The following ITPRID2 variants were observed in gnomAD, a reference collection of about 807,000 sequenced individuals.
ITPRID2 encodes ITPR interacting domain containing 2, also known as protein ITPRID2.
A neutral mutation model predicts 124.3 loss-of-function variants in ITPRID2; 60 were observed. That is an observed-to-expected ratio of 0.48 (90% CI 0.39 to 0.60). ITPRID2 has a LOEUF of 0.60. Among genes scored for constraint, ITPRID2 ranks in the 20% least tolerant of loss-of-function variants. The pLI, the probability that ITPRID2 is intolerant of heterozygous loss-of-function variation, is 0.00. For synonymous variants in ITPRID2, 521 were observed against 542.9 expected (o/e 0.96, Z 0.56); for missense variants, 1,553 against 1,512.2 (o/e 1.03, Z -0.45).
intron 11 of ITPRID2, 140 bp from the exon 12 acceptor site, chr2:181,918,458 T>G: frequency 2.1e-6 from 3 of 1,459,200 alleles, no homozygotes; most frequent in Non-Finnish European, 2.7e-6. Flanking sequence ...TTTTTCCTGC[T>G]TACAATATGA....
Position 181,915,662 on chromosome 2 carries a change from T to C in ITPRID2, c.2022T>C (p.Ser674=). ...TGGCTTCTATTGAAGCTAAATGCAG[T>C]GATATGAGCTCTGAAAATACAACTG... is the stretch of plus-strand genomic sequence containing the variant. ...KSLASIEAKC[S]DMSSENTTGP... is the part of the protein sequence containing the mutation. The change falls in exon 11 of 18, where the codon AGT becomes AGC. Residue 674 remains serine (S), a synonymous_variant. Transcript: ENST00000431877. 1.2e-6 allele frequency: 2 copies of C among 1,614,186 alleles called. No individual in the cohort carries two copies. Among genetic ancestry groups the C allele is most frequent in the Non-Finnish European group, 1.7e-6 (2 of 1,180,030 alleles).
Position 181,916,112 on chromosome 2 carries a change from T to C in ITPRID2, c.2472T>C (p.His824=). 6.2e-7 allele frequency: 1 copy of C among 1,614,164 alleles called. No individual in the cohort carries two copies. Among genetic ancestry groups the C allele is most frequent in the Non-Finnish European group, 8.5e-7 (1 of 1,180,034 alleles). Reference sequence around the variant, plus strand: ...AGGCGCCGCGGGTGGAGGAATGCCATCATGGAAGGACTCCTACCTGTTCAC... The same window carrying C: ...AGGCGCCGCGGGTGGAGGAATGCCACCATGGAAGGACTCCTACCTGTTCAC... ...QSEAPRVEEC[H]HGRTPTCSRL... Residue 824 remains histidine, a synonymous_variant, in exon 11 of 18, where the codon CAT becomes CAC. Coordinates refer to ENST00000431877, the MANE Select transcript of ITPRID2 (RefSeq NM_001130445.3).
chr2:181,912,041 A>G (rs1048773298), intron 9 of ITPRID2, among the ~76,000 whole-genome samples: 1 of 152,226 alleles, frequency 6.6e-6, no homozygotes, highest in African/African-American at 2.4e-5. Context: ...AGCAGAGAGA[A>G]CCAGTCAGAG....
In ITPRID2 at chr2:181,897,087, G is replaced by A. The variant is rs541519533; in HGVS notation, c.364+123G>A. 4.6e-5 allele frequency: 37 copies of A among 800,714 alleles called. No individual in the cohort carries two copies. The East Asian group carries it at 8.8e-4, about 19-fold the overall frequency. 49.6% of individuals were successfully genotyped at this position (800,714 alleles called of 1,614,324 possible). On this transcript the variant is annotated intron_variant, in intron 4 of 17. Transcript: ENST00000431877. ...TTTAAAGGTCTTGAAAATGGCTCAG[G>A]CATATTTTACATTACCTTTCTTTGT...
chr2:181,915,704 G>T lies in ITPRID2; in HGVS notation c.2064G>T (p.Met688Ile). 6.2e-7 allele frequency: 1 copy of T among 1,614,106 alleles called. No homozygotes were observed. The highest frequency in any genetic ancestry group is 1.1e-5 in the South Asian group (1 of 91,086). ...SENTTGPPSS[M>I]DRVNTALQRA... is the part of the protein sequence containing the mutation. ...ATACAACTGGGCCTCCCTCTTCCAT[G>T]GACAGAGTTAATACAGCTTTGCAAA... Residue 688 changes from methionine to isoleucine, a missense_variant, in exon 11 of 18, where the codon ATG becomes ATT. Physicochemically the swap from Met to Ile is conservative, Grantham distance 10 (BLOSUM62 1). Transcript: ENST00000431877.
rs532457369 is a variant in ITPRID2 at position 181,907,510 on chromosome 2, T to G, written c.1414-2389T>G. Reference sequence around the variant, plus strand: ...GAAAAGTTTCAAACTTACTTGAAGATTAGAGAAAATAATATCATGAACACC... The same window carrying G: ...GAAAAGTTTCAAACTTACTTGAAGAGTAGAGAAAATAATATCATGAACACC... On this transcript the variant is annotated intron_variant, in intron 8 of 17. Coordinates refer to ENST00000431877, the MANE Select transcript of ITPRID2 (RefSeq NM_001130445.3). This position sits in a 1 kb window ranked among gnomAD's most constrained non-coding sequence, Gnocchi z 5.1. 2.0e-5 allele frequency among the ~76,000 whole-genome samples: 3 copies of G among 152,130 alleles called. No homozygotes were observed. The highest frequency in any genetic ancestry group is 7.2e-5 in the African/African-American group (3 of 41,500).
At position 181,929,550 on chromosome 2, in the gene ITPRID2, TC is replaced by T; in HGVS notation, c.*14-10del. The T allele has an allele frequency of 6.2e-7, 1 of 1,600,880 alleles. No homozygotes were observed. ...AGAGGTTTAAAACTGACTTCTCTTT[TC>T]TTTTTTAAGGTTGGCATGGATCCTA... On this transcript the variant is annotated splice_polypyrimidine_tract_variant and intron_variant, in intron 17 of 17. Transcript: ENST00000431877.
intron 17 of ITPRID2, among the ~76,000 whole-genome samples, chr2:181,929,125 G>A (rs991187553): frequency 2.6e-5 from 4 of 151,652 alleles, no homozygotes; most frequent in African/African-American, 9.7e-5. Context: ...GTCTTGCTAT[G>A]TTGCCCACGC....
At chr2:181,915,124 T>G in intron 10 of ITPRID2, 92 bp from the exon 11 acceptor site, 7 of 1,452,098 alleles carry the variant, frequency 4.8e-6, no homozygotes, top group Non-Finnish European at 6.5e-6. Flanking sequence ...GTGGAGACAG[T>G]GAAATTATAG....
chr2:181,907,714 C>T lies in ITPRID2; in HGVS notation c.1414-2185C>T, dbSNP rs1693259749. ...CTTCATAATTCTCTGTGGTGTACCC[C>T]ATCTCAAATTTGACTGCCGCCTTTT... On this transcript the variant is annotated intron_variant, in intron 8 of 17. Coordinates refer to ENST00000431877, the MANE Select transcript of ITPRID2 (RefSeq NM_001130445.3). This position sits in a 1 kb window ranked among gnomAD's most constrained non-coding sequence, Gnocchi z 5.1. Among the ~76,000 whole-genome samples, 1 of 152,094 alleles carries T rather than the reference C, an allele frequency of 6.6e-6. No homozygotes were observed. Among genetic ancestry groups the T allele is most frequent in the Non-Finnish European group, 1.5e-5 (1 of 68,014 alleles).
In ITPRID2 at chr2:181,929,702, A is replaced by G. The variant is rs773761034; in HGVS notation, c.*155A>G. On this transcript the variant is annotated 3_prime_UTR_variant, in exon 18 of 18. Transcript: ENST00000431877. ...GTACAATGTGTATTTCTTCAACCAT[A>G]TATTTTAAAAAGACGTACATAGAAA... 26 of 1,363,872 alleles carry G rather than the reference A, an allele frequency of 1.9e-5. No homozygotes were observed. Among genetic ancestry groups the G allele is most frequent in the African/African-American group, 5.9e-5 (4 of 68,264 alleles). 84.5% of individuals were successfully genotyped at this position (1,363,872 alleles called of 1,614,324 possible). A position where few individuals can be genotyped will look rare whatever the true frequency, so the allele number is the denominator to read the frequency against.
chr2:181,921,900 C>T (rs1290948668), intron 15 of ITPRID2, 48 bp from the exon 16 acceptor site: 1 of 1,521,154 alleles, frequency 6.6e-7, no homozygotes, highest in African/African-American at 1.4e-5. Context: ...TTTTAGCTAC[C>T]AATCTTAATT....
intron 2 of ITPRID2, chr2:181,894,161 A>C (rs562612956): frequency 3.9e-5 from 6 of 152,350 alleles, no homozygotes; most frequent in African/African-American, 1.2e-4. Context: ...AATTAAGAAC[A>C]AGAGAAGAAT....
intron 7 of ITPRID2, 90 bp downstream of exon 7, chr2:181,900,994 A>G: frequency 2.9e-6 from 3 of 1,021,450 alleles, no homozygotes; most frequent in South Asian, 1.8e-5. Flanking sequence ...ATTTTCAGGA[A>G]TAGCACTGGA....
Position 181,907,682 on chromosome 2 carries a change from A to G in ITPRID2, c.1414-2217A>G, listed in dbSNP as rs1053911895. The stretch of plus-strand genomic sequence containing the variant: ...CACATAAATCTAAATTCTGTGTTCT[A>G]TATTTGCTTCATAATTCTCTGTGGT... On this transcript the variant is annotated intron_variant, in intron 8 of 17. Transcript: ENST00000431877. This position sits in a 1 kb window ranked among gnomAD's most constrained non-coding sequence, Gnocchi z 5.1. 1.3e-5 allele frequency among the ~76,000 whole-genome samples: 2 copies of G among 152,150 alleles called. No individual in the cohort carries two copies. The highest frequency in any genetic ancestry group is 4.8e-5 in the African/African-American group (2 of 41,432).
chr2:181,910,802 A>G lies in ITPRID2; in HGVS notation c.1486+831A>G, dbSNP rs1302792511. ...ATAAATTTTTTTCTTTTATTGCAAT[A>G]TGGTATTAAGAAACAAGAGCTTCAC... On this transcript the variant is annotated intron_variant, in intron 9 of 17. Transcript: ENST00000431877. The surrounding 1 kb of genome is among the most constrained non-coding windows in gnomAD (Gnocchi z 4.1). Among the ~76,000 whole-genome samples, 1 of 152,084 alleles carries G rather than the reference A, an allele frequency of 6.6e-6. No individual in the cohort carries two copies. The highest frequency in any genetic ancestry group is 6.6e-5 in the Admixed American group (1 of 15,266).
At chr2:181,911,938 T>C (rs1446290085) in intron 9 of ITPRID2, among the ~76,000 whole-genome samples, 1 of 152,170 alleles carries the variant, frequency 6.6e-6, no homozygotes, top group Non-Finnish European at 1.5e-5. Flanking sequence ...GCAGTCTACC[T>C]GCATTATGAC....
At chr2:181,909,342 C>T (rs192948555) in intron 8 of ITPRID2, among the ~76,000 whole-genome samples, 1 of 152,098 alleles carries the variant, frequency 6.6e-6, no homozygotes, top group East Asian at 1.9e-4. Context: ...GCACTGTGTT[C>T]TATTTTCAAA....
Position 181,892,303 on chromosome 2 carries a change from G to T in ITPRID2, c.211+26G>T. ...GTCGGTGCTCCCGGCCGGGCTCCGG[G>T]GGGAGGCTGGTGGGCTGGGGAGAGT... On this transcript the variant is annotated intron_variant, in intron 1 of 17. Coordinates refer to ENST00000431877, the MANE Select transcript of ITPRID2 (RefSeq NM_001130445.3). This position sits in a 1 kb window ranked among gnomAD's most constrained non-coding sequence, Gnocchi z 5.2. The T allele has an allele frequency of 1.3e-6, 2 of 1,531,514 alleles. No individual in the cohort carries two copies. The highest frequency in any genetic ancestry group is 1.8e-6 in the Non-Finnish European group (2 of 1,138,740). The allele number at this position is 1,531,514 out of a possible 1,614,324, so 94.9% of individuals were successfully genotyped here. A position where few individuals can be genotyped will look rare whatever the true frequency, so the allele number is the denominator to read the frequency against.
Sources: gnomAD v4.1 joint callset for allele counts (sites outside exome capture counted in the v4.1 genomes callset) on GRCh38, gnomAD v4.1.1 for gene constraint, Gnocchi (gnomAD v3.1) non-coding constraint, MANE v1.5 for transcripts, NCBI Gene and HGNC (gene_info 2026-07-23, HGNC 2026-07-21) for gene names.